The following SMAP1 variants were observed in gnomAD, a reference collection of about 807,000 sequenced individuals.
The protein encoded by SMAP1 is stromal membrane-associated protein 1.
Under a neutral mutation model 58.5 loss-of-function variants are expected in SMAP1, and 24 were observed. That is an observed-to-expected ratio of 0.41 (90% CI 0.30 to 0.58). The LOEUF is 0.58. SMAP1 is among the 20% of genes least tolerant of loss of function. The pLI is 0.29. For synonymous variants in SMAP1, 216 were observed against 196.6 expected, an observed-to-expected ratio of 1.10 and a Z score of -0.82; for missense variants, 563 against 566.3, an observed-to-expected ratio of 0.99 and a Z score of 0.06.
chr6:70,752,970 A>G (rs777114295), intron 2 of SMAP1, among the ~76,000 whole-genome samples: 13 of 152,190 alleles, frequency 8.5e-5, no homozygotes, highest in Non-Finnish European at 1.8e-4. Context: ...TCAGATTTTA[A>G]TGTTACTATT....
In SMAP1 at chr6:70,749,249, G is replaced by A. The variant is rs546016600; in HGVS notation, c.253-5731G>A. 5.3e-5 allele frequency among the ~76,000 whole-genome samples: 8 copies of A among 152,190 alleles called. No homozygotes were observed. The East Asian group carries it at 5.8e-4, about 11-fold the overall frequency. On this transcript the variant is annotated intron_variant, in intron 2 of 10. Coordinates refer to ENST00000370455, the MANE Select transcript of SMAP1 (RefSeq NM_001044305.3). ...ATCTCATGAGAACTCCCTCACTATC[G>A]TGAGAACAGCATGGGGGAACAGATC...
intron 1 of SMAP1, among the ~76,000 whole-genome samples, chr6:70,675,198 GTTTT>G (rs67744035): frequency 0.5 from 55,717 of 110,872 alleles, 11,958 homozygotes; most frequent in Middle Eastern, 0.58. Context: ...ATTATATAGT[GTTTT>G]TTTTTTTTTT....
intron 3 of SMAP1, among the ~76,000 whole-genome samples, chr6:70,770,812 G>A (rs941116050): frequency 5.9e-5 from 9 of 152,220 alleles, no homozygotes; most frequent in Admixed American, 2.6e-4. Flanking sequence ...TCCTTTGGAG[G>A]ACGAGAGGTG....
At chr6:70,795,809 C>T (rs1341516984) in intron 5 of SMAP1, among the ~76,000 whole-genome samples, 10 of 151,718 alleles carry the variant, frequency 6.6e-5, no homozygotes, top group Admixed American at 3.3e-4. Context: ...ATGGTCTCAG[C>T]TCACTGCAAC....
At chr6:70,777,972 G>T (rs1358992971) in intron 4 of SMAP1, among the ~76,000 whole-genome samples, 2 of 151,980 alleles carry the variant, frequency 1.3e-5, no homozygotes, top group African/African-American at 4.8e-5. Context: ...GGCTGGTCTC[G>T]AACTCCTGGC....
intron 2 of SMAP1, among the ~76,000 whole-genome samples, chr6:70,735,590 G>A (rs1021533051): frequency 6.6e-5 from 10 of 152,138 alleles, no homozygotes; most frequent in South Asian, 2.1e-4. Context: ...CCAACATTAC[G>A]AAGCCCCGTC....
chr6:70,753,155 T>A (rs1361923695), intron 2 of SMAP1, among the ~76,000 whole-genome samples: 3 of 152,058 alleles, frequency 2.0e-5, no homozygotes, highest in Non-Finnish European at 4.4e-5. Flanking sequence ...ACATCCACTT[T>A]ACGGACCAAT....
At chr6:70,847,757 CCTG>C (rs1771046305) in intron 7 of SMAP1, among the ~76,000 whole-genome samples, 1 of 152,140 alleles carries the variant, frequency 6.6e-6, no homozygotes, top group Admixed American at 6.5e-5. Context: ...ACTGCTGCCT[CCTG>C]CTGCTCCCAC....
chr6:70,737,281 A>G (rs992326106), intron 2 of SMAP1, among the ~76,000 whole-genome samples: 2 of 152,152 alleles, frequency 1.3e-5, no homozygotes, highest in Non-Finnish European at 2.9e-5. Flanking sequence ...AGCTGGGACT[A>G]CAGGCATGAG....
intron 1 of SMAP1, among the ~76,000 whole-genome samples, chr6:70,709,819 T>C (rs1376156498): frequency 6.6e-6 from 1 of 152,208 alleles, no homozygotes; most frequent in Non-Finnish European, 1.5e-5. Flanking sequence ...AATATAATTC[T>C]TCCAATTCAT....
At chr6:70,718,978 AGATT>A (rs1287569092) in intron 1 of SMAP1, among the ~76,000 whole-genome samples, 2 of 152,214 alleles carry the variant, frequency 1.3e-5, no homozygotes, top group African/African-American at 4.8e-5. Flanking sequence ...CACCTTAAAA[AGATT>A]ATTATAAAAA....
intron 1 of SMAP1, among the ~76,000 whole-genome samples, chr6:70,693,407 G>A (rs554573525): frequency 5.4e-5 from 8 of 148,548 alleles, no homozygotes; most frequent in African/African-American, 1.7e-4. Flanking sequence ...AGGTTCAAGC[G>A]ATTCTCCTGC....
At chr6:70,756,631 A>G (rs893855052) in intron 3 of SMAP1, among the ~76,000 whole-genome samples, 3 of 152,098 alleles carry the variant, frequency 2.0e-5, no homozygotes, top group Non-Finnish European at 4.4e-5. Flanking sequence ...GATGTAGAGT[A>G]GTTTAGACCT....
intron 4 of SMAP1, among the ~76,000 whole-genome samples, chr6:70,783,648 G>A (rs1026838867): frequency 2.7e-4 from 41 of 152,328 alleles, no homozygotes; most frequent in African/African-American, 9.6e-4. Context: ...AGAACTACAT[G>A]AAGAATGCAG....
intron 1 of SMAP1, among the ~76,000 whole-genome samples, chr6:70,685,860 A>G (rs1489504994): frequency 6.6e-6 from 1 of 152,212 alleles, no homozygotes; most frequent in African/African-American, 2.4e-5. Context: ...AAGGAAAACC[A>G]GAACAGAGAA....
At chr6:70,820,955 T>TAATC (rs1315081553) in intron 6 of SMAP1, among the ~76,000 whole-genome samples, 1 of 152,208 alleles carries the variant, frequency 6.6e-6, no homozygotes, top group Non-Finnish European at 1.5e-5. Flanking sequence ...TTCAAGGGAA[T>TAATC]AATCAATAGC....
intron 1 of SMAP1, among the ~76,000 whole-genome samples, chr6:70,720,489 C>T (rs1768474789): frequency 6.6e-6 from 1 of 152,178 alleles, no homozygotes; most frequent in Non-Finnish European, 1.5e-5. Flanking sequence ...TCTCACAGCT[C>T]CACTAGGTGG....
chr6:70,858,794 C>A (rs893198411), intron 10 of SMAP1: 7 of 152,720 alleles, frequency 4.6e-5, no homozygotes, highest in African/African-American at 1.7e-4. Flanking sequence ...GTTGTATTTT[C>A]TTTTTACATA....
rs954168795 is a variant in SMAP1, at chr6:70,718,624, A to G, written c.119-13754A>G. On this transcript the variant is annotated intron_variant, in intron 1 of 10. Coordinates refer to ENST00000370455, the MANE Select transcript of SMAP1 (RefSeq NM_001044305.3). ...ATCACAAGGTCAGGAGTTGGAGACC[A>G]GCCTGGCCAACATGATCCAATCCCG... Among the ~76,000 whole-genome samples, 11 of 152,232 alleles carry G rather than the reference A, an allele frequency of 7.2e-5. No homozygotes were observed. In the East Asian group the frequency reaches 1.7e-3, roughly 24 times the overall value.
Sources: allele counts gnomAD v4.1 joint callset (sites outside exome capture counted in the v4.1 genomes callset), GRCh38; gene constraint gnomAD v4.1.1; transcripts MANE v1.5; gene names NCBI Gene and HGNC (gene_info 2026-07-23, HGNC 2026-07-21).